Variants in TFEC observed in about 807,000 individuals in gnomAD.
The protein encoded by TFEC is class E basic helix-loop-helix protein 34.
In TFEC, 31 loss-of-function variants were observed where a neutral mutation model predicts 41.6. The ratio of observed to expected loss-of-function variants is 0.74; its 90% confidence interval spans 0.56 to 1.01. The LOEUF is 1.01. Ranked by LOEUF, TFEC falls within the 50% of genes least tolerant of loss-of-function variation. The pLI is 0.00. For missense variants in TFEC, 402 were observed against 404.1 expected (o/e 0.99, Z 0.04); for synonymous variants, 143 against 140.6 (o/e 1.02, Z -0.12).
chr7:116,033,122 T>C (rs1467250491), upstream of TFEC, among the ~76,000 whole-genome samples: 2 of 130,656 alleles, frequency 1.5e-5, no homozygotes, highest in South Asian at 2.5e-4. Context: ...AGACATCTTC[T>C]CATGATTCAT....
intron 3 of TFEC, among the ~76,000 whole-genome samples, chr7:116,102,156 G>C (rs1486241193): frequency 6.6e-6 from 1 of 152,146 alleles, no homozygotes; most frequent in Non-Finnish European, 1.5e-5. Flanking sequence ...TCTAACTATA[G>C]TCTAGCTTAG....
chr7:116,071,924 T>TA (rs1024826175), intron 3 of TFEC, among the ~76,000 whole-genome samples: 11 of 151,590 alleles, frequency 7.3e-5, no homozygotes, highest in African/African-American at 2.2e-4. Flanking sequence ...TAGTATTACT[T>TA]AAATTAGAAA....
At chr7:116,147,230 C>T (rs1259802277) in intron 1 of TFEC, among the ~76,000 whole-genome samples, 1 of 152,032 alleles carries the variant, frequency 6.6e-6, no homozygotes, top group Non-Finnish European at 1.5e-5. Flanking sequence ...AGATGTTAAT[C>T]CTCAAATATA....
chr7:115,941,812 T>C, intron 7 of TFEC, 81 bp downstream of exon 7: 2 of 1,485,014 alleles, frequency 1.3e-6, no homozygotes, highest in Non-Finnish European at 1.8e-6. Flanking sequence ...AGAGAAAAAA[T>C]AAATGAGACC....
chr7:115,998,055 C>G (rs1270011458), intron 1 of TFEC, among the ~76,000 whole-genome samples: 1 of 151,948 alleles, frequency 6.6e-6, no homozygotes, highest in African/African-American at 2.4e-5. Context: ...TGGGTAATAA[C>G]ACAGAACTTC....
intron 1 of TFEC, among the ~76,000 whole-genome samples, chr7:116,154,867 C>G (rs977241000): frequency 2.6e-5 from 4 of 152,072 alleles, no homozygotes; most frequent in African/African-American, 7.2e-5. Flanking sequence ...TATTAATTCT[C>G]TCTTTGTTTT....
At chr7:116,093,987 T>C (rs1253783643) in intron 3 of TFEC, among the ~76,000 whole-genome samples, 1 of 152,114 alleles carries the variant, frequency 6.6e-6, no homozygotes, top group Non-Finnish European at 1.5e-5. Flanking sequence ...GCTGCACAAA[T>C]TTGAAAGAAC....
At chr7:116,052,660 C>T (rs561958059) in intron 3 of TFEC, among the ~76,000 whole-genome samples, 4 of 151,740 alleles carry the variant, frequency 2.6e-5, no homozygotes, top group African/African-American at 4.8e-5. Context: ...ATCTCTTGAT[C>T]TCGTGATCCA....
chr7:115,950,844 C>T, intron 6 of TFEC, 30 bp downstream of exon 6: 1 of 1,545,738 alleles, frequency 6.5e-7, no homozygotes, highest in Non-Finnish European at 8.8e-7. Flanking sequence ...TAAATTATAA[C>T]ATTATTATAG....
chr7:116,026,164 A>G (rs1407178013), intron 1 of TFEC, among the ~76,000 whole-genome samples: 2 of 152,174 alleles, frequency 1.3e-5, no homozygotes, highest in Non-Finnish European at 2.9e-5. Flanking sequence ...GCCCCACTTC[A>G]TGTTATTTCA....
At chr7:116,027,739 G>A (rs1026513710) in intron 1 of TFEC, among the ~76,000 whole-genome samples, 2 of 152,110 alleles carry the variant, frequency 1.3e-5, no homozygotes, top group Non-Finnish European at 2.9e-5. Flanking sequence ...CTGGCTCAGT[G>A]GCAAACTGAG....
At chr7:116,003,102 T>C (rs547041815) in intron 1 of TFEC, among the ~76,000 whole-genome samples, 3 of 152,226 alleles carry the variant, frequency 2.0e-5, no homozygotes, top group Admixed American at 6.5e-5. Flanking sequence ...TGGACATCAA[T>C]GGTTTAAATG....
intron 1 of TFEC, among the ~76,000 whole-genome samples, chr7:116,140,102 G>C (rs1176022058): frequency 6.6e-6 from 1 of 152,160 alleles, no homozygotes; most frequent in Non-Finnish European, 1.5e-5. Flanking sequence ...AATTCTACCA[G>C]GAGAGGTGAA....
chr7:116,025,545 C>T (rs1316851873), intron 1 of TFEC, among the ~76,000 whole-genome samples: 1 of 152,076 alleles, frequency 6.6e-6, no homozygotes, highest in African/African-American at 2.4e-5. Flanking sequence ...CCCAGCCTTT[C>T]ACTCTCCACA....
intron 3 of TFEC, among the ~76,000 whole-genome samples, chr7:116,060,775 G>C (rs1260184916): frequency 6.6e-6 from 1 of 152,044 alleles, no homozygotes; most frequent in African/African-American, 2.4e-5. Flanking sequence ...CTTAATACTT[G>C]AGTGATGAAA....
At chr7:115,993,236 C>A (rs566399453) in intron 1 of TFEC, among the ~76,000 whole-genome samples, 12 of 152,168 alleles carry the variant, frequency 7.9e-5, no homozygotes, top group Non-Finnish European at 1.5e-4. Context: ...TATGACAAAC[C>A]CACAGCCAAT....
chr7:116,140,384 A>G (rs183983187), intron 1 of TFEC, among the ~76,000 whole-genome samples: 2 of 152,360 alleles, frequency 1.3e-5, no homozygotes, highest in Admixed American at 6.5e-5. Context: ...AATCAATAAC[A>G]TGCTTGAATA....
chr7:115,961,336 T>C lies in TFEC; in HGVS notation c.268-4543A>G, dbSNP rs192234539. 9.2e-5 allele frequency among the ~76,000 whole-genome samples: 14 copies of C among 151,652 alleles called. No individual in the cohort carries two copies. In the East Asian group the frequency reaches 2.7e-3, roughly 29 times the overall value. ...TTGTTAAAAACCTCAAAGTTTAAGA[T>C]GAAATCATAGTGGAATTTTAAAATA... On this transcript the variant is annotated intron_variant, in intron 3 of 7. Transcript: ENST00000265440.
rs1212390175 is a variant in TFEC, at chr7:115,947,584, G to T, written c.515+3290C>A. ...CTCCACATCCTCTCCAGCACCTGTTGTTTCCTGACTTTTTAATGATTGCCA... is the reference window on the plus strand; with the variant it reads ...CTCCACATCCTCTCCAGCACCTGTTTTTTCCTGACTTTTTAATGATTGCCA... On this transcript the variant is annotated intron_variant, in intron 6 of 7. Transcript: ENST00000265440. 1.3e-4 allele frequency among the ~76,000 whole-genome samples: 19 copies of T among 151,416 alleles called. 1 individual carries two copies. Among genetic ancestry groups the T allele is most frequent in the African/African-American group, 4.1e-4 (17 of 41,356 alleles).
Sources: gnomAD v4.1 joint callset for allele counts (sites outside exome capture counted in the v4.1 genomes callset) on GRCh38, gnomAD v4.1.1 for gene constraint, MANE v1.5 for transcripts, NCBI Gene and HGNC (gene_info 2026-07-23, HGNC 2026-07-21) for gene names.